The following CSRNP3 variants were observed in gnomAD, a reference collection of about 807,000 sequenced individuals.
CSRNP3 encodes the protein cysteine/serine-rich nuclear protein 3.
CSRNP3 carries 12 observed loss-of-function variants against 48.0 expected under a neutral mutation model. That is an observed-to-expected ratio of 0.25 (90% confidence interval 0.16 to 0.41). The LOEUF (loss-of-function observed/expected upper bound fraction) is 0.41, where lower values mean the gene tolerates loss of function less well. Among genes scored for constraint, CSRNP3 ranks in the 10% least tolerant of loss-of-function variants. The probability of loss-of-function intolerance (pLI) is 1.00; values close to 1 mark genes in which losing one functional copy is unlikely to be tolerated. For missense variants in CSRNP3, 580 were observed against 724.4 expected, an observed-to-expected ratio of 0.80 and a Z score of 2.29; for synonymous variants, 263 against 269.7, an observed-to-expected ratio of 0.98 and a Z score of 0.24.
chr2:165,509,341 G>C (rs896866681), intron 2 of CSRNP3, among the ~76,000 whole-genome samples: 5 of 152,166 alleles, frequency 3.3e-5, no homozygotes, highest in African/African-American at 1.2e-4. Context: ...GTAGGAGGAG[G>C]CTTCCAGGAG....
Position 165,678,929 on chromosome 2 carries a change from T to G in CSRNP3, c.934T>G (p.Ser312Ala). 3 of 1,614,032 alleles carry G rather than the reference T, an allele frequency of 1.9e-6. No homozygotes were observed. The highest frequency in any genetic ancestry group is 2.5e-6 in the Non-Finnish European group (3 of 1,179,992). ...MGPVAHSVEY[S>A]IADSFEIETE... is the part of the protein sequence containing the mutation. ...CCCTGTCGCTCACTCCGTAGAATATTCAATCGCAGACAGTTTTGAGATTGA... is the reference window on the plus strand; with the variant it reads ...CCCTGTCGCTCACTCCGTAGAATATGCAATCGCAGACAGTTTTGAGATTGA... The change falls in exon 7 of 7, where the codon TCA (serine) becomes GCA (alanine). Residue 312 changes from serine (S) to alanine (A), a missense_variant. This residue lies in a region of CSRNP3 where 369 missense variants were observed against 380.8 expected (regional missense o/e 0.97). Transcript: ENST00000651982.
chr2:165,601,665 T>TCTCCCTCCCTCCCTTCTCTCCTTCC (rs1685917593), intron 4 of CSRNP3, among the ~76,000 whole-genome samples: 1 of 151,910 alleles, frequency 6.6e-6, no homozygotes. Context: ...TCCTTCCTTG[T>TCTCCCTCCCTCCCTTCTCTCCTTCC]CTCCCTCCCT....
chr2:165,521,173 C>CAAAAAAAAAAAA (rs1348766008), intron 3 of CSRNP3, among the ~76,000 whole-genome samples: 1 of 135,646 alleles, frequency 7.4e-6, no homozygotes. Flanking sequence ...ATGGGAAAGC[C>CAAAAAAAAAAAA]AAAAAAAAAA....
intron 1 of CSRNP3, among the ~76,000 whole-genome samples, chr2:165,480,182 C>T (rs537957196): frequency 6.6e-6 from 1 of 152,324 alleles, no homozygotes; most frequent in African/African-American, 2.4e-5. Context: ...ATCTCTCTCT[C>T]ATCGAATCCC....
chr2:165,626,080 C>T (rs752164159), intron 4 of CSRNP3, among the ~76,000 whole-genome samples: 1 of 150,742 alleles, frequency 6.6e-6, no homozygotes, highest in Non-Finnish European at 1.5e-5. Flanking sequence ...AAAATTAGCC[C>T]AGCATGGTGG....
At chr2:165,532,815 C>T (rs1398075333) in intron 3 of CSRNP3, among the ~76,000 whole-genome samples, 3 of 152,030 alleles carry the variant, frequency 2.0e-5, no homozygotes, top group African/African-American at 7.2e-5. Flanking sequence ...AAAACCCCAT[C>T]ATCTCAGCCC....
At chr2:165,589,056 T>A (rs1409874485) in intron 3 of CSRNP3, among the ~76,000 whole-genome samples, 1 of 152,210 alleles carries the variant, frequency 6.6e-6, no homozygotes, top group African/African-American at 2.4e-5. Context: ...TTTGGCCTCA[T>A]CTTTAGGAAC....
At chr2:165,483,577 C>T (rs981027252) in intron 1 of CSRNP3, among the ~76,000 whole-genome samples, 2 of 152,116 alleles carry the variant, frequency 1.3e-5, no homozygotes, top group African/African-American at 4.8e-5. Flanking sequence ...TGTGATTATT[C>T]TATGTCTCAA....
At chr2:165,614,251 A>C (rs1686191884) in intron 4 of CSRNP3, among the ~76,000 whole-genome samples, 1 of 152,136 alleles carries the variant, frequency 6.6e-6, no homozygotes, top group South Asian at 2.1e-4. Flanking sequence ...CAAAGTATAG[A>C]AACACTACTG....
intron 3 of CSRNP3, among the ~76,000 whole-genome samples, chr2:165,551,421 T>A (rs1685094217): frequency 6.6e-6 from 1 of 152,244 alleles, no homozygotes; most frequent in South Asian, 2.1e-4. Context: ...TGCTGCCCTC[T>A]GTCTGCCACT....
At chr2:165,560,861 A>G (rs1357781683) in intron 3 of CSRNP3, among the ~76,000 whole-genome samples, 1 of 152,172 alleles carries the variant, frequency 6.6e-6, no homozygotes, top group African/African-American at 2.4e-5. Context: ...TTTTAGTGGT[A>G]TGTCTTTAAT....
At chr2:165,618,032 G>T (rs1010188474) in intron 4 of CSRNP3, among the ~76,000 whole-genome samples, 3 of 152,222 alleles carry the variant, frequency 2.0e-5, no homozygotes, top group Non-Finnish European at 4.4e-5. Flanking sequence ...GTGCCATGCT[G>T]CAGCGGCTTG....
chr2:165,587,868 T>C (rs564130693), intron 3 of CSRNP3, among the ~76,000 whole-genome samples: 3 of 152,320 alleles, frequency 2.0e-5, no homozygotes, highest in African/African-American at 7.2e-5. Flanking sequence ...ATGAGATGAA[T>C]AGGATTTCTG....
chr2:165,591,720 G>A (rs1286946298), intron 3 of CSRNP3, among the ~76,000 whole-genome samples: 1 of 152,220 alleles, frequency 6.6e-6, no homozygotes, highest in East Asian at 1.9e-4. Context: ...TCCACATGGT[G>A]TTGAGCCTGT....
rs1163775464 is a variant in CSRNP3, at chr2:165,490,397, C to G, written c.-282-4362C>G. Among the ~76,000 whole-genome samples the G allele has an allele frequency of 2.1e-5, 3 of 140,540 alleles. No homozygotes were observed. The East Asian group carries it at 6.4e-4, about 30-fold the overall frequency. The allele number at this position is 140,540 out of a possible 152,430, so 92.2% of individuals were successfully genotyped here. ...CCCAAGGTAATTTACAGATTCAATG[C>G]CATCCCCATCAAGCTACCAATGACT... is the stretch of plus-strand genomic sequence containing the variant. On this transcript the variant is annotated intron_variant, in intron 1 of 6. Coordinates refer to ENST00000651982, the MANE Select transcript of CSRNP3 (RefSeq NM_001172173.2).
chr2:165,497,462 G>A (rs1311238701), intron 2 of CSRNP3, among the ~76,000 whole-genome samples: 1 of 151,590 alleles, frequency 6.6e-6, no homozygotes, highest in African/African-American at 2.4e-5. Context: ...TATGACCTAC[G>A]GGAGACTATC....
rs10605081 is a variant in CSRNP3 at position 165,483,044 on chromosome 2, G to GTA, written c.-282-11705_-282-11704dup. On this transcript the variant is annotated intron_variant, in intron 1 of 6. Coordinates refer to ENST00000651982, the MANE Select transcript of CSRNP3 (RefSeq NM_001172173.2). ...TACGTATATGTGTGTGTGTGTGTAT[G>GTA]TATATATATATGTATATAAAAATAT... is the stretch of plus-strand genomic sequence containing the variant. Among the ~76,000 whole-genome samples the GTA allele has an allele frequency of 5.3e-5, 8 of 149,630 alleles. No homozygotes were observed. The South Asian group carries it at 6.3e-4, about 12-fold the overall frequency.
chr2:165,536,418 A>C (rs1221310413), intron 3 of CSRNP3, among the ~76,000 whole-genome samples: 1 of 151,928 alleles, frequency 6.6e-6, no homozygotes, highest in East Asian at 1.9e-4. Context: ...CATAAATTTC[A>C]GCTGAATATG....
rs1553478328 is a variant in CSRNP3, at chr2:165,599,283, G to GAGAGAAAGAAAGAA, written c.148+4073_148+4074insGAAAGAAAGAAAGA. On this transcript the variant is annotated intron_variant, in intron 4 of 6. Coordinates refer to ENST00000651982, the MANE Select transcript of CSRNP3 (RefSeq NM_001172173.2). ...AAAGAAAAAGAAAGAAAGAGAGAGA[G>GAGAGAAAGAAAGAA]AGAAAGAAAGAAAGAAAGAAAGAAA... 7.6e-5 allele frequency among the ~76,000 whole-genome samples: 8 copies of GAGAGAAAGAAAGAA among 104,834 alleles called. No homozygotes were observed. The East Asian group carries it at 1.6e-3, about 21-fold the overall frequency. The allele number at this position is 104,834 out of a possible 152,430, so 68.8% of individuals were successfully genotyped here.
Sources: allele counts gnomAD v4.1 joint callset (sites outside exome capture counted in the v4.1 genomes callset), GRCh38; gene constraint gnomAD v4.1.1; regional missense constraint gnomAD v4.1.1; transcripts MANE v1.5; gene names NCBI Gene and HGNC (gene_info 2026-07-23, HGNC 2026-07-21).